YEATS2: variants seen among roughly 807,000 people sequenced by gnomAD.
The protein encoded by YEATS2 is YEATS domain-containing protein 2.
In YEATS2, 77 loss-of-function variants were observed where a neutral mutation model predicts 163.2. That is an observed-to-expected ratio of 0.47 (90% confidence interval 0.39 to 0.57). The LOEUF (loss-of-function observed/expected upper bound fraction) is 0.57. Among genes scored for constraint, YEATS2 ranks in the 20% least tolerant of loss-of-function variants. The pLI is 0.00. For missense variants in YEATS2, 1,549 were observed against 1,729.8 expected (o/e 0.90, Z 1.85); for synonymous variants, 631 against 645.1 (o/e 0.98, Z 0.33).
intron 2 of YEATS2, among the ~76,000 whole-genome samples, chr3:183,716,756 G>C (rs1715921018): frequency 6.6e-6 from 1 of 152,038 alleles, no homozygotes. Context: ...AGCAGGGGCA[G>C]TTTTTTGTTT....
At chr3:183,748,463 GCTGCTCTCGAACTGCTGA>G (rs1256898739) in intron 9 of YEATS2, among the ~76,000 whole-genome samples, 3 of 152,070 alleles carry the variant, frequency 2.0e-5, no homozygotes, top group Admixed American at 1.3e-4. Context: ...TGTTGGTCAG[GCTGCTCTCGAACTGCTGA>G]CTGCTCTCGA....
chr3:183,749,390 T>C (rs1211262696), intron 9 of YEATS2, among the ~76,000 whole-genome samples: 1 of 152,190 alleles, frequency 6.6e-6, no homozygotes, highest in East Asian at 1.9e-4. Context: ...AGAACTGTTT[T>C]CGTCTTGCAG....
At chr3:183,739,746 T>C (rs71318334) in intron 8 of YEATS2, among the ~76,000 whole-genome samples, 4,919 of 11,612 alleles carry the variant, frequency 0.42, 1,344 homozygotes, top group East Asian at 0.83. Context: ...ATGGTACTGG[T>C]ACCAAAACAG....
intron 15 of YEATS2, among the ~76,000 whole-genome samples, chr3:183,765,728 C>G (rs986915721): frequency 2.6e-5 from 4 of 152,104 alleles, no homozygotes; most frequent in African/African-American, 9.7e-5. Context: ...GGGCAGATCA[C>G]CTGAGGTCAG....
chr3:183,717,307 G>GTCTT (rs139139292), intron 2 of YEATS2, among the ~76,000 whole-genome samples: 4 of 151,948 alleles, frequency 2.6e-5, no homozygotes, highest in African/African-American at 7.3e-5. Flanking sequence ...CCCTTTCCTT[G>GTCTT]TCTTTCTTTC....
At chr3:183,710,186 G>T (rs185424544) in intron 1 of YEATS2, among the ~76,000 whole-genome samples, 59 of 152,274 alleles carry the variant, frequency 3.9e-4, no homozygotes, top group African/African-American at 1.3e-3. Context: ...AGAAGCTATA[G>T]AGGATTAGCT....
At chr3:183,733,347 A>T (rs1718003851) in intron 7 of YEATS2, among the ~76,000 whole-genome samples, 1 of 152,156 alleles carries the variant, frequency 6.6e-6, no homozygotes, top group Non-Finnish European at 1.5e-5. Context: ...GAAAGCAGTT[A>T]TTGGGTCTCA....
intron 1 of YEATS2, among the ~76,000 whole-genome samples, chr3:183,701,245 TAA>T (rs1186167067): frequency 6.6e-6 from 1 of 151,772 alleles, no homozygotes; most frequent in Admixed American, 6.6e-5. Context: ...CTCGCCTGGC[TAA>T]GTTTTTTTGC....
intron 17 of YEATS2, among the ~76,000 whole-genome samples, chr3:183,774,449 A>G (rs1456357831): frequency 6.6e-6 from 1 of 152,120 alleles, no homozygotes; most frequent in African/African-American, 2.4e-5. Flanking sequence ...AATTCATGGA[A>G]AAGTTGTCTT....
rs544454655 is a variant in YEATS2, at chr3:183,743,492, A to G, written c.925-4180A>G. Among the ~76,000 whole-genome samples the G allele has an allele frequency of 6.6e-5, 10 of 152,050 alleles. No homozygotes were observed. The East Asian group carries it at 1.9e-3, about 29-fold the overall frequency. The stretch of plus-strand genomic sequence containing the variant: ...GGTAGCTGGACCACAAGCGCATGCC[A>G]CTACACTCAGTTAATTTTTTTATTT... On this transcript the variant is annotated intron_variant, in intron 8 of 30. Coordinates refer to ENST00000305135, the MANE Select transcript of YEATS2 (RefSeq NM_018023.5).
chr3:183,763,945 G>A (rs924981000), intron 15 of YEATS2, among the ~76,000 whole-genome samples: 1 of 152,102 alleles, frequency 6.6e-6, no homozygotes, highest in Non-Finnish European at 1.5e-5. Flanking sequence ...GCATGCACCT[G>A]TAATCCCAGC....
rs377678843 is a variant in YEATS2, at chr3:183,800,068, G to A, written c.3326-398G>A. ...AGGATGGTCTTGATCTCCTGACCTCGTGATCCGCCCACCTCGGCCTCCCAA... is the reference window on the plus strand; with the variant it reads ...AGGATGGTCTTGATCTCCTGACCTCATGATCCGCCCACCTCGGCCTCCCAA... On this transcript the variant is annotated intron_variant, in intron 23 of 30. Coordinates refer to ENST00000305135, the MANE Select transcript of YEATS2 (RefSeq NM_018023.5). Among the ~76,000 whole-genome samples, 25 of 152,156 alleles carry A rather than the reference G, an allele frequency of 1.6e-4. 1 individual carries two copies. The highest frequency in any genetic ancestry group is 5.9e-4 in the Admixed American group (9 of 15,278).
At chr3:183,804,755 A>G (rs138796190) in intron 27 of YEATS2, among the ~76,000 whole-genome samples, 8,058 of 150,600 alleles carry the variant, frequency 0.054, 565 homozygotes, top group African/African-American at 0.15. Context: ...TGGGAGGCCG[A>G]GGCGGGTGGA....
intron 8 of YEATS2, among the ~76,000 whole-genome samples, chr3:183,745,709 G>C (rs756788993): frequency 9.2e-5 from 14 of 152,154 alleles, no homozygotes; most frequent in South Asian, 2.1e-4. Flanking sequence ...ATTTCTGACA[G>C]GTAGTCATTT....
At chr3:183,700,546 A>T (rs1451207320) in intron 1 of YEATS2, among the ~76,000 whole-genome samples, 1 of 151,440 alleles carries the variant, frequency 6.6e-6, no homozygotes, top group Non-Finnish European at 1.5e-5. Context: ...CAGTTTTCTC[A>T]CAGAAAACAA....
At chr3:183,810,235 CT>C in intron 30 of YEATS2, 1 of 436,300 alleles carries the variant, frequency 2.3e-6, no homozygotes, top group Non-Finnish European at 4.2e-6. Context: ...TTTTCTTTCT[CT>C]TTTCTCAGTT....
At chr3:183,781,173 A>C (rs1723523624) in intron 19 of YEATS2, among the ~76,000 whole-genome samples, 2 of 152,186 alleles carry the variant, frequency 1.3e-5, no homozygotes, top group Non-Finnish European at 2.9e-5. Flanking sequence ...TATGGAGACC[A>C]AGGAGTCCCA....
At position 183,773,807 on chromosome 3, in the gene YEATS2, A is replaced by G. The variant is rs768138927; in HGVS notation, c.2368+13A>G. ...ACGAACAATGCTAGTTAGTGAAACCATTGGGTTGAATCATTTGGTTCTTGG... is the reference window on the plus strand; with the variant it reads ...ACGAACAATGCTAGTTAGTGAAACCGTTGGGTTGAATCATTTGGTTCTTGG... On this transcript the variant is annotated intron_variant, in intron 17 of 30. Transcript: ENST00000305135. 5 of 1,594,204 alleles carry G rather than the reference A, an allele frequency of 3.1e-6. No individual in the cohort carries two copies. The highest frequency in any genetic ancestry group is 1.1e-5 in the South Asian group (1 of 87,046).
In YEATS2 at chr3:183,810,823, G is replaced by A. The variant is rs1726733936; in HGVS notation, c.*240G>A. On this transcript the variant is annotated 3_prime_UTR_variant, in exon 31 of 31. Transcript: ENST00000305135. ...GCTGTCAGTGGATCCGTGCTTTGTC[G>A]GCCAGCGTTTCTGCAGTCTTTGTAA... 6.0e-6 allele frequency: 3 copies of A among 497,828 alleles called. No homozygotes were observed. The highest frequency in any genetic ancestry group is 1.9e-5 in the African/African-American group (1 of 51,356). 30.8% of individuals were successfully genotyped at this position (497,828 alleles called of 1,614,324 possible).
Sources: gnomAD v4.1 joint callset for allele counts (sites outside exome capture counted in the v4.1 genomes callset) on GRCh38, gnomAD v4.1.1 for gene constraint, MANE v1.5 for transcripts, NCBI Gene and HGNC (gene_info 2026-07-23, HGNC 2026-07-21) for gene names.